JSRP1: variants seen among roughly 807,000 people sequenced by gnomAD.
JSRP1 encodes 2310032K21Rik.
Under a neutral mutation model 21.4 loss-of-function variants are expected in JSRP1, and 29 were observed. The observed-to-expected ratio is 1.36, with a 90% CI of 1.01 to 1.85. The LOEUF (loss-of-function observed/expected upper bound fraction) is 1.85, where lower values mean the gene tolerates loss of function less well. Among genes scored for constraint, JSRP1 ranks in the 40% most tolerant of loss-of-function variants. The pLI is 0.00. For synonymous variants in JSRP1, 221 were observed against 206.1 expected (o/e 1.07, Z -0.62); for missense variants, 531 against 461.5 (o/e 1.15, Z -1.38).
chr19:2,255,384 C>G, intron 1 of JSRP1, 40 bp from the exon 2 acceptor site: 2 of 1,002,748 alleles, frequency 2.0e-6, no homozygotes, highest in South Asian at 3.0e-5. Flanking sequence ...TTTACTGAGT[C>G]TCTGCCACAG....
Position 2,252,554 on chromosome 19 carries a change from C to T in JSRP1, c.771G>A (p.Lys257=). The T allele has an allele frequency of 6.2e-7, 1 of 1,612,906 alleles. No homozygotes were observed. The highest frequency in any genetic ancestry group is 8.5e-7 in the Non-Finnish European group (1 of 1,179,908). ...KEKPRKEERP[K]KERPRKEERP... ...TCTCCTCTTTCCGCGGCCTCTCTTT[C>T]TTAGGTCTCTCCTCCTTCCGCGGCT... The change falls in exon 7 of 7, where the codon AAG becomes AAA. Residue 257 remains lysine, a synonymous_variant. Transcript: ENST00000300961.
Position 2,252,625 on chromosome 19 carries a change from C to G in JSRP1, c.700G>C (p.Gly234Arg), listed in dbSNP as rs1160300858. Residue 234 changes from glycine to arginine, a missense_variant, in exon 7 of 7, where the codon GGA becomes CGA. Transcript: ENST00000300961. Reference sequence around the variant, plus strand: ...TCTCTCCGAGGCCTCTCCTTGGGTCCCCGGTCTGCGAGGGTCACACGGTCC... The same window carrying G: ...TCTCTCCGAGGCCTCTCCTTGGGTCGCCGGTCTGCGAGGGTCACACGGTCC... The part of the protein sequence containing the change: ...REDRVTLADR[G>R]PKERPRREGK... The G allele has an allele frequency of 1.2e-6, 2 of 1,612,580 alleles. No homozygotes were observed. Among genetic ancestry groups the G allele is most frequent in the Non-Finnish European group, 1.7e-6 (2 of 1,179,948 alleles).
At position 2,253,675 on chromosome 19, in the gene JSRP1, G is replaced by A; in HGVS notation, c.381C>T (p.Cys127=). The change falls in exon 5 of 7, where the codon TGC becomes TGT. Residue 127 remains cysteine (C), a synonymous_variant. Coordinates refer to ENST00000300961, the MANE Select transcript of JSRP1 (RefSeq NM_144616.4). ...GCGCCACCAGCGAGGCGAGCACCAGGCACTTGTTGAGCGACAGGTCTCCCC... is the reference window on the plus strand; with the variant it reads ...GCGCCACCAGCGAGGCGAGCACCAGACACTTGTTGAGCGACAGGTCTCCCC... ...LPWGDLSLNK[C]LVLASLVALL... The A allele has an allele frequency of 6.6e-7, 1 of 1,510,754 alleles. No individual in the cohort carries two copies. Among genetic ancestry groups the A allele is most frequent in the Non-Finnish European group, 8.8e-7 (1 of 1,136,472 alleles). The allele number at this position is 1,510,754 out of a possible 1,614,324, so 93.6% of individuals were successfully genotyped here.
chr19:2,255,914 G>A (rs1460611812), intron 1 of JSRP1, among the ~76,000 whole-genome samples: 1 of 152,180 alleles, frequency 6.6e-6, no homozygotes, highest in Admixed American at 6.5e-5. Context: ...GGTCGTGACA[G>A]GCCGGGGCAG....
rs2025141431 is a variant in JSRP1 at position 2,256,030 on chromosome 19, CT to C, written c.-31+352del. 2.0e-5 allele frequency among the ~76,000 whole-genome samples: 3 copies of C among 152,328 alleles called. No individual in the cohort carries two copies. The South Asian group carries it at 6.2e-4, about 32-fold the overall frequency. On this transcript the variant is annotated intron_variant, in intron 1 of 6. Transcript: ENST00000300961. ...CATAGGACAGATGAGGAAACCGAGG[CT>C]AGAGACAGTGCCATTGGCTGGAGGT...
At chr19:2,253,936 GC>G in intron 4 of JSRP1, 143 bp from the exon 5 acceptor site, 1 of 966,310 alleles carries the variant, frequency 1.0e-6, no homozygotes. Context: ...GGTGAACCCA[GC>G]CCCGGGTGCC....
At chr19:2,255,372 C>T (rs1204019073) in intron 1 of JSRP1, 28 bp from the exon 2 acceptor site, 1 of 1,152,768 alleles carries the variant, frequency 8.7e-7, no homozygotes, top group East Asian at 2.5e-5. Flanking sequence ...CAAGGTCTTG[C>T]ATTTACTGAG....
chr19:2,253,840 GC>G lies in JSRP1; in HGVS notation c.263-48del, dbSNP rs2025107169. 1.2e-5 allele frequency: 16 copies of G among 1,348,288 alleles called. No homozygotes were observed. In the South Asian group the frequency reaches 3.0e-4, roughly 25 times the overall value. The allele number at this position is 1,348,288 out of a possible 1,614,324, so 83.5% of individuals were successfully genotyped here. A position where few individuals can be genotyped will look rare whatever the true frequency, so the allele number is the denominator to read the frequency against. On this transcript the variant is annotated intron_variant, in intron 4 of 6. Coordinates refer to ENST00000300961, the MANE Select transcript of JSRP1 (RefSeq NM_144616.4). Reference sequence around the variant, plus strand: ...GCGCTGTGGTCACTGGCTCTGTGCCGCCCCCTTCCCCGGGCGCAGGGGACAA... The same window carrying G: ...GCGCTGTGGTCACTGGCTCTGTGCCGCCCCTTCCCCGGGCGCAGGGGACAA...
chr19:2,253,084 C>A, intron 5 of JSRP1, 81 bp from the exon 6 acceptor site: 2 of 1,005,656 alleles, frequency 2.0e-6, no homozygotes, highest in South Asian at 2.9e-5. Flanking sequence ...CCCCTAGAGC[C>A]CCCCTCCCTG....
Position 2,252,393 on chromosome 19 carries a change from C to T in JSRP1, c.932G>A (p.Arg311His). 1 of 1,595,056 alleles carries T rather than the reference C, an allele frequency of 6.3e-7. No homozygotes were observed. Among genetic ancestry groups the T allele is most frequent in the Admixed American group, 1.7e-5 (1 of 58,292 alleles). Residue 311 changes from arginine to histidine, a missense_variant, in exon 7 of 7, where the codon CGT (arginine) becomes CAT (histidine). Transcript: ENST00000300961. ...CCCAGGCCGCTGCTCCTCGTCGGGACGCCTCGGGGACACCCAGGCCTGCTT... is the reference window on the plus strand; with the variant it reads ...CCCAGGCCGCTGCTCCTCGTCGGGATGCCTCGGGGACACCCAGGCCTGCTT... Reference protein sequence around the residue: ...RKKQAWVSPRRPDEEQRPGSR... With the variant: ...RKKQAWVSPRHPDEEQRPGSR...
rs1232852384 is a variant in JSRP1 at position 2,252,777 on chromosome 19, G to T, written c.548C>A (p.Ala183Glu). The change falls in exon 7 of 7, where the codon GCG becomes GAG. Residue 183 changes from alanine (A) to glutamate (E), a missense_variant. Ala to Glu is a moderately radical substitution (Grantham distance 107). Coordinates refer to ENST00000300961, the MANE Select transcript of JSRP1 (RefSeq NM_144616.4). ...GGGCGCAGGCGGCGCTGATGGAGGC[G>T]CCTGGGCCTCGAACTTAGGCTGCAA... ...SSPLPKFEAQ[A>E]PPSAPPAPRA... is the part of the protein sequence containing the mutation. 3 of 1,611,802 alleles carry T rather than the reference G, an allele frequency of 1.9e-6. No individual in the cohort carries two copies. The highest frequency in any genetic ancestry group is 1.1e-5 in the South Asian group (1 of 91,038).
chr19:2,253,970 A>G (rs576339653), intron 4 of JSRP1, among the ~76,000 whole-genome samples, 177 bp from the exon 5 acceptor site: 141 of 152,304 alleles, frequency 9.3e-4, no homozygotes, highest in Middle Eastern at 3.4e-3. Context: ...GGGGATGCCT[A>G]GAGTTTCTGG....
chr19:2,253,681 G>T lies in JSRP1; in HGVS notation c.375C>A (p.Asn125Lys). ...CCAGCGAGGCGAGCACCAGGCACTT[G>T]TTGAGCGACAGGTCTCCCCAGGGCA... ...EELPWGDLSL[N>K]KCLVLASLVA... Residue 125 changes from asparagine to lysine, a missense_variant, in exon 5 of 7, where the codon AAC becomes AAA. Transcript: ENST00000300961. 2.0e-6 allele frequency: 3 copies of T among 1,511,140 alleles called. No individual in the cohort carries two copies. In the South Asian group the frequency reaches 3.7e-5, roughly 19 times the overall value. The allele number at this position is 1,511,140 out of a possible 1,614,324, so 93.6% of individuals were successfully genotyped here.
At chr19:2,255,856 C>T (rs540557401) in intron 1 of JSRP1, among the ~76,000 whole-genome samples, 21 of 152,314 alleles carry the variant, frequency 1.4e-4, no homozygotes, top group Non-Finnish European at 7.4e-5. Context: ...CTGCGTGACC[C>T]TGTGAGTCTA....
Position 2,252,407 on chromosome 19 carries a change from C to A in JSRP1, c.918G>T (p.Trp306Cys). Reference sequence around the variant, plus strand: ...CCTCGTCGGGACGCCTCGGGGACACCCAGGCCTGCTTCTTCCTGGGCTCGG... The same window carrying A: ...CCTCGTCGGGACGCCTCGGGGACACACAGGCCTGCTTCTTCCTGGGCTCGG... ...RDAEPRKKQA[W>C]VSPRRPDEEQ... Residue 306 changes from tryptophan to cysteine, a missense_variant, in exon 7 of 7, where the codon TGG (tryptophan) becomes TGT (cysteine). Trp to Cys is a radical substitution (Grantham distance 215, BLOSUM62 -2). Coordinates refer to ENST00000300961, the MANE Select transcript of JSRP1 (RefSeq NM_144616.4). 6.2e-7 allele frequency: 1 copy of A among 1,606,274 alleles called. No individual in the cohort carries two copies. The highest frequency in any genetic ancestry group is 2.2e-5 in the East Asian group (1 of 44,726).
intron 4 of JSRP1, 72 bp downstream of exon 4, chr19:2,254,115 C>T: frequency 8.3e-7 from 1 of 1,208,842 alleles, no homozygotes. Flanking sequence ...TCCAAGGACC[C>T]AGCTCCGGCA....
intron 4 of JSRP1, 87 bp from the exon 5 acceptor site, chr19:2,253,880 G>T: frequency 7.6e-7 from 1 of 1,308,808 alleles, no homozygotes. Context: ...ACAGGCCTGT[G>T]CCCTGAACCC....
At chr19:2,256,161 A>G (rs1007341851) in intron 1 of JSRP1, among the ~76,000 whole-genome samples, 5 of 152,074 alleles carry the variant, frequency 3.3e-5, no homozygotes, top group African/African-American at 4.8e-5. Context: ...AAAACCACCC[A>G]GCCCTGGGGC....
chr19:2,255,070 A>G (rs954743924), intron 2 of JSRP1, 136 bp downstream of exon 2: 1 of 517,438 alleles, frequency 1.9e-6, no homozygotes, highest in African/African-American at 2.1e-5. Context: ...AATGAGGGCC[A>G]GGGGTTGAAC....
Sources: allele counts gnomAD v4.1 joint callset (sites outside exome capture counted in the v4.1 genomes callset), GRCh38; gene constraint gnomAD v4.1.1; transcripts MANE v1.5; gene names NCBI Gene and HGNC (gene_info 2026-07-23, HGNC 2026-07-21).